The following GSE1 variants were observed in gnomAD, a reference collection of about 807,000 sequenced individuals.
The protein encoded by GSE1 is Gse1 coiled-coil protein, also known as genetic suppressor element 1.
In GSE1, 32 loss-of-function variants were observed where a neutral mutation model predicts 112.6. That is an observed-to-expected ratio of 0.28 (90% CI 0.21 to 0.38). GSE1 has a LOEUF of 0.38. Among genes scored for constraint, GSE1 ranks in the 10% least tolerant of loss-of-function variants. The pLI is 1.00. For synonymous variants in GSE1, 1,115 were observed against 735.6 expected (o/e 1.52, Z -8.35); for missense variants, 2,348 against 1,699.2 (o/e 1.38, Z -6.71).
At chr16:85,378,310 C>T (rs2047468654) in intron 2 of GSE1, among the ~76,000 whole-genome samples, 2 of 152,206 alleles carry the variant, frequency 1.3e-5, no homozygotes, top group Admixed American at 1.3e-4. Flanking sequence ...GCTGCCTGCC[C>T]ATCCACTCCA....
chr16:85,398,355 C>T (rs760037066), intron 2 of GSE1, among the ~76,000 whole-genome samples: 2 of 152,112 alleles, frequency 1.3e-5, no homozygotes, highest in African/African-American at 2.4e-5. Flanking sequence ...TTAGAGCAGG[C>T]AAGAGCCCAG....
At chr16:85,430,556 G>A (rs1208163069) in intron 2 of GSE1, among the ~76,000 whole-genome samples, 4 of 152,230 alleles carry the variant, frequency 2.6e-5, no homozygotes, top group South Asian at 4.1e-4. Flanking sequence ...GCCAGGGGGC[G>A]GAGGGGTGAG....
At chr16:85,590,364 AGTGT>A (rs974465861) in intron 1 of GSE1, among the ~76,000 whole-genome samples, 2 of 132,180 alleles carry the variant, frequency 1.5e-5, no homozygotes, top group East Asian at 2.3e-4. Context: ...CTTGTGAATG[AGTGT>A]GAGTGTGTGA....
At chr16:85,557,569 G>GTT (rs371034842) in intron 1 of GSE1, among the ~76,000 whole-genome samples, 2 of 146,816 alleles carry the variant, frequency 1.4e-5, no homozygotes, top group Non-Finnish European at 3.0e-5. Flanking sequence ...TCGGTTTCGG[G>GTT]TTTTTTTTTT....
intron 1 of GSE1, among the ~76,000 whole-genome samples, chr16:85,604,456 C>G (rs1567637739): frequency 6.6e-6 from 1 of 151,950 alleles, no homozygotes; most frequent in Non-Finnish European, 1.5e-5. Flanking sequence ...ATGAGCCATG[C>G]TGATAGGAAC....
chr16:85,235,577 G>T (rs950348001), intron 1 of GSE1, among the ~76,000 whole-genome samples: 16 of 14,334 alleles, frequency 1.1e-3, no homozygotes, highest in Admixed American at 9.8e-3. Flanking sequence ...GTGTGTGGGT[G>T]GGGGGGGGGC....
chr16:85,539,990 G>C (rs62048432), intron 2 of GSE1, among the ~76,000 whole-genome samples: 2,333 of 152,268 alleles, frequency 0.015, 30 homozygotes, highest in Middle Eastern at 0.037. Context: ...ACAGCTGCAG[G>C]CTCGTCTTTT....
chr16:85,187,025 G>A (rs2074717913), intron 1 of GSE1, among the ~76,000 whole-genome samples: 1 of 152,234 alleles, frequency 6.6e-6, no homozygotes, highest in Admixed American at 6.5e-5. Context: ...GCATGTGCTG[G>A]GCCAGCACTG....
At chr16:85,562,635 G>C (rs571840555) in intron 1 of GSE1, among the ~76,000 whole-genome samples, 38 of 152,376 alleles carry the variant, frequency 2.5e-4, no homozygotes, top group African/African-American at 8.7e-4. Context: ...GAGCCGGGAA[G>C]GGGAGGACGT....
At chr16:85,389,289 G>A (rs1025600835) in intron 2 of GSE1, among the ~76,000 whole-genome samples, 14 of 151,978 alleles carry the variant, frequency 9.2e-5, no homozygotes, top group African/African-American at 9.7e-5. Flanking sequence ...GTGAAACCCC[G>A]TCTCTACTAA....
At chr16:85,642,738 C>T (rs1164402614) in intron 2 of GSE1, among the ~76,000 whole-genome samples, 4 of 152,236 alleles carry the variant, frequency 2.6e-5, no homozygotes, top group Admixed American at 6.5e-5. Flanking sequence ...GCAGTTGCAG[C>T]GGGGCCGGGC....
At chr16:85,377,871 C>T (rs1210033245) in intron 2 of GSE1, among the ~76,000 whole-genome samples, 1 of 152,250 alleles carries the variant, frequency 6.6e-6, no homozygotes, top group Non-Finnish European at 1.5e-5. Context: ...CAATCCTCGT[C>T]CACACCAGCA....
chr16:85,646,189 C>T lies in GSE1; in HGVS notation c.227-2363C>T, dbSNP rs2050854186. Among the ~76,000 whole-genome samples, 3 of 150,182 alleles carry T rather than the reference C, an allele frequency of 2.0e-5. 1 individual carries two copies. In the South Asian group the frequency reaches 6.4e-4, roughly 32 times the overall value. The stretch of plus-strand genomic sequence containing the variant: ...TCCTATGCATGCATTCTACCTGCTT[C>T]TACCACGCTTCCTATGCATGCATTC... On this transcript the variant is annotated intron_variant, in intron 2 of 15. Coordinates refer to ENST00000253458, the MANE Select transcript of GSE1 (RefSeq NM_014615.5).
At chr16:85,345,003 G>A (rs1333334595) in intron 1 of GSE1, among the ~76,000 whole-genome samples, 2 of 152,200 alleles carry the variant, frequency 1.3e-5, no homozygotes, top group African/African-American at 4.8e-5. Context: ...CCTCCCACAG[G>A]CCCTCCTCCC....
upstream of GSE1, chr16:85,554,774 GT>G (rs2045111461): frequency 3.2e-6 from 2 of 630,714 alleles, no homozygotes; most frequent in African/African-American, 4.0e-5. Flanking sequence ...GCTGTCAGTC[GT>G]GGGGGGGGAG....
At chr16:85,362,831 C>CTTTTTTTTTT (rs67922655) in intron 2 of GSE1, among the ~76,000 whole-genome samples, 1 of 103,480 alleles carries the variant, frequency 9.7e-6, no homozygotes, top group Non-Finnish European at 1.9e-5. Flanking sequence ...TTATTGATAT[C>CTTTTTTTTTT]TTTTTTTTTT....
intron 1 of GSE1, among the ~76,000 whole-genome samples, chr16:85,601,012 G>A (rs1041200608): frequency 6.6e-6 from 1 of 151,552 alleles, no homozygotes; most frequent in Non-Finnish European, 1.5e-5. Flanking sequence ...CAGTGGGGGG[G>A]TTAGAGCTGC....
intron 1 of GSE1, chr16:85,583,662 C>G (rs1464125500): frequency 6.6e-6 from 1 of 152,214 alleles, no homozygotes; most frequent in African/African-American, 2.4e-5. Context: ...GCAGCACCCC[C>G]ATATTCAGAT....
intron 2 of GSE1, among the ~76,000 whole-genome samples, chr16:85,512,055 G>A (rs923651301): frequency 2.0e-5 from 3 of 152,190 alleles, no homozygotes; most frequent in African/African-American, 7.2e-5. Context: ...GAGGGTCCGG[G>A]GGCTGGATGC....
Sources: allele counts gnomAD v4.1 joint callset (sites outside exome capture counted in the v4.1 genomes callset), GRCh38; gene constraint gnomAD v4.1.1; transcripts MANE v1.5; gene names NCBI Gene and HGNC (gene_info 2026-07-23, HGNC 2026-07-21).